The following ABTB3 variants were observed in gnomAD, a reference collection of about 807,000 sequenced individuals.
The protein encoded by ABTB3 is ankyrin repeat- and BTB/POZ domain-containing protein 3.
chr12:107,620,123 C>A, the ABTB3 span: 1 of 1,614,224 alleles, frequency 6.2e-7, no homozygotes, highest in Middle Eastern at 1.6e-4. Flanking sequence ...GCTCGTTACC[C>A]AAGGCCTGCC....
At chr12:107,587,425 G>A in the ABTB3 span, among the ~76,000 whole-genome samples, 5 of 152,276 alleles carry the variant, frequency 3.3e-5, no homozygotes, top group South Asian at 1.0e-3. Flanking sequence ...GGATGCAAGA[G>A]AAACAGAGAA....
chr12:107,593,142 G>C, the ABTB3 span, among the ~76,000 whole-genome samples: 3 of 152,150 alleles, frequency 2.0e-5, no homozygotes, highest in Admixed American at 1.3e-4. Context: ...TTTTACCATA[G>C]AGCAGGGGTG....
At chr12:107,337,456 C>G in the ABTB3 span, among the ~76,000 whole-genome samples, 2 of 152,212 alleles carry the variant, frequency 1.3e-5, no homozygotes, top group Non-Finnish European at 2.9e-5. Context: ...ACACCACTTC[C>G]TACTTATTAA....
At chr12:107,396,437 G>A in the ABTB3 span, among the ~76,000 whole-genome samples, 1 of 152,180 alleles carries the variant, frequency 6.6e-6, no homozygotes, top group Non-Finnish European at 1.5e-5. Flanking sequence ...ACACTTCTTG[G>A]AGTTGTGAAG....
At chr12:107,399,610 T>C in the ABTB3 span, among the ~76,000 whole-genome samples, 1 of 152,206 alleles carries the variant, frequency 6.6e-6, no homozygotes, top group Non-Finnish European at 1.5e-5. Context: ...CAATTACTAC[T>C]ACTATGATAG....
At chr12:107,373,841 C>A in the ABTB3 span, among the ~76,000 whole-genome samples, 1 of 152,192 alleles carries the variant, frequency 6.6e-6, no homozygotes, top group Non-Finnish European at 1.5e-5. Flanking sequence ...TAGCCCGGTG[C>A]CTTCCATTCA....
chr12:107,539,010 C>T, the ABTB3 span, among the ~76,000 whole-genome samples: 8 of 152,192 alleles, frequency 5.3e-5, no homozygotes, highest in African/African-American at 1.7e-4. Context: ...GTGTCCAACT[C>T]CAGGTTGGAG....
the ABTB3 span, chr12:107,617,749 TA>T: frequency 2.7e-6 from 1 of 374,928 alleles, no homozygotes; most frequent in Non-Finnish European, 4.8e-6. Flanking sequence ...AAAATCCATT[TA>T]AAAAATAATA....
chr12:107,326,346 A>G, the ABTB3 span, among the ~76,000 whole-genome samples: 4 of 152,220 alleles, frequency 2.6e-5, no homozygotes, highest in African/African-American at 9.6e-5. Context: ...AAGCTTGATT[A>G]ATGGAGAGTT....
At chr12:107,610,144 C>G in the ABTB3 span, 1 of 1,612,366 alleles carries the variant, frequency 6.2e-7, no homozygotes, top group East Asian at 2.2e-5. Flanking sequence ...TCCTGTGCCC[C>G]TCTGGGAAGC....
the ABTB3 span, among the ~76,000 whole-genome samples, chr12:107,343,840 A>G: frequency 6.6e-6 from 1 of 152,202 alleles, no homozygotes; most frequent in Non-Finnish European, 1.5e-5. Context: ...TGCCACTTTT[A>G]AAACCATCAG....
At chr12:107,375,169 C>A in the ABTB3 span, among the ~76,000 whole-genome samples, 1 of 152,154 alleles carries the variant, frequency 6.6e-6, no homozygotes, top group South Asian at 2.1e-4. Flanking sequence ...GTGATCCCAG[C>A]ACTTTGGGAG....
chr12:107,380,010 G>A, the ABTB3 span, among the ~76,000 whole-genome samples: 79 of 152,162 alleles, frequency 5.2e-4, no homozygotes, highest in Admixed American at 1.3e-3. Context: ...CCTTCCAGCG[G>A]AACAGATTCT....
the ABTB3 span, among the ~76,000 whole-genome samples, chr12:107,362,272 A>T: frequency 2.6e-5 from 4 of 152,200 alleles, no homozygotes. Context: ...AATGCTGGAG[A>T]TCAGCAGAAT....
the ABTB3 span, among the ~76,000 whole-genome samples, chr12:107,426,015 C>T: frequency 6.6e-6 from 1 of 152,224 alleles, no homozygotes; most frequent in Non-Finnish European, 1.5e-5. Context: ...ATTTCTAGCA[C>T]GGGCTTCCTG....
At chr12:107,581,730 G>C in the ABTB3 span, among the ~76,000 whole-genome samples, 22 of 152,284 alleles carry the variant, frequency 1.4e-4, no homozygotes, top group East Asian at 3.3e-3. Flanking sequence ...GGTCTTCTCT[G>C]CATTCCTCAG....
At chr12:107,470,942 G>A in the ABTB3 span, among the ~76,000 whole-genome samples, 6 of 152,294 alleles carry the variant, frequency 3.9e-5, no homozygotes, top group Non-Finnish European at 8.8e-5. Context: ...AGATGTGGAC[G>A]TCTTATTCCC....
the ABTB3 span, among the ~76,000 whole-genome samples, chr12:107,615,321 T>C: frequency 6.6e-6 from 1 of 152,352 alleles, no homozygotes; most frequent in Admixed American, 6.5e-5. Context: ...AAATATTATA[T>C]GTAATGATCT....
chr12:107,403,900 C>G, the ABTB3 span, among the ~76,000 whole-genome samples: 1 of 152,098 alleles, frequency 6.6e-6, no homozygotes, highest in Admixed American at 6.5e-5. Flanking sequence ...CGGTGGCTCA[C>G]GCCTGTAATC....
Sources: gnomAD v4.1 joint callset for allele counts (sites outside exome capture counted in the v4.1 genomes callset) on GRCh38, gnomAD v4.1.1 for gene constraint, MANE v1.5 for transcripts, NCBI Gene and HGNC (gene_info 2026-07-23, HGNC 2026-07-21) for gene names.